LMNTD1: variants seen among roughly 807,000 people sequenced by gnomAD.
LMNTD1 encodes lamin tail domain-containing protein 1.
In LMNTD1, 35 loss-of-function variants were observed where a neutral mutation model predicts 50.9. The ratio of observed to expected loss-of-function variants is 0.69; its 90% CI spans 0.53 to 0.91. The LOEUF is 0.91. LMNTD1 is among the 40% of genes least tolerant of loss of function. LMNTD1 has a pLI of 0.00. For missense variants in LMNTD1, 470 were observed against 475.5 expected, an observed-to-expected ratio of 0.99 and a Z score of 0.11; for synonymous variants, 153 against 161.9, an observed-to-expected ratio of 0.94 and a Z score of 0.42.
intron 9 of LMNTD1, chr12:25,497,880 A>G (rs1939152934): frequency 1.3e-5 from 2 of 152,234 alleles, no homozygotes; most frequent in South Asian, 4.1e-4. Flanking sequence ...GGTGTAATAA[A>G]CCAACAAAAC....
At chr12:25,629,721 A>G (rs369357406) in intron 1 of LMNTD1, among the ~76,000 whole-genome samples, 1 of 152,322 alleles carries the variant, frequency 6.6e-6, no homozygotes, top group East Asian at 1.9e-4. Context: ...TTTGATAGTG[A>G]GCAATTAAGT....
intron 1 of LMNTD1, among the ~76,000 whole-genome samples, chr12:25,629,295 C>T (rs73080311): frequency 0.022 from 3,402 of 152,208 alleles, 48 homozygotes; most frequent in Middle Eastern, 0.14. Flanking sequence ...CTTACTTTCT[C>T]CTATCTCCTT....
At chr12:25,629,922 A>C (rs1046230979) in intron 1 of LMNTD1, among the ~76,000 whole-genome samples, 3 of 152,184 alleles carry the variant, frequency 2.0e-5, no homozygotes, top group African/African-American at 7.2e-5. Flanking sequence ...CTGTGAACTA[A>C]TTTGTGACCC....
chr12:25,644,545 C>G (rs1275095544), intron 1 of LMNTD1, among the ~76,000 whole-genome samples: 1 of 151,804 alleles, frequency 6.6e-6, no homozygotes, highest in African/African-American at 2.4e-5. Flanking sequence ...CAACAACCAC[C>G]AAAACAAACA....
intron 4 of LMNTD1, among the ~76,000 whole-genome samples, chr12:25,541,323 A>G (rs1943057280): frequency 6.9e-6 from 1 of 144,796 alleles, no homozygotes; most frequent in African/African-American, 2.5e-5. Context: ...CTGACTTCAA[A>G]CTATACTACA....
At chr12:25,625,221 C>CA (rs1416139692) in intron 1 of LMNTD1, among the ~76,000 whole-genome samples, 1 of 152,196 alleles carries the variant, frequency 6.6e-6, no homozygotes, top group African/African-American at 2.4e-5. Context: ...CACGACCCTT[C>CA]AAAACTCCCT....
chr12:25,622,984 C>T (rs1330179725), intron 1 of LMNTD1, among the ~76,000 whole-genome samples: 3 of 148,964 alleles, frequency 2.0e-5, no homozygotes, highest in Admixed American at 6.7e-5. Context: ...TGGCGGACGA[C>T]GGGGAAGGAG....
At chr12:25,546,867 G>A (rs1943466797) in intron 3 of LMNTD1, among the ~76,000 whole-genome samples, 1 of 151,514 alleles carries the variant, frequency 6.6e-6, no homozygotes, top group Admixed American at 6.6e-5. Flanking sequence ...CATCCATTTT[G>A]AAATAGGGAA....
At chr12:25,555,504 A>G (rs1944003969), upstream of LMNTD1, among the ~76,000 whole-genome samples, 5 of 152,254 alleles carry the variant, frequency 3.3e-5, no homozygotes, top group South Asian at 1.0e-3. Context: ...GTAGAAATTT[A>G]TAAGACAGTA....
chr12:25,501,268 G>A (rs1259868851), intron 9 of LMNTD1, among the ~76,000 whole-genome samples: 1 of 152,174 alleles, frequency 6.6e-6, no homozygotes, highest in African/African-American at 2.4e-5. Flanking sequence ...TGGGTTTACA[G>A]GTGTGAGCCA....
At chr12:25,480,147 T>G (rs1938400189) in intron 9 of LMNTD1, among the ~76,000 whole-genome samples, 1 of 152,220 alleles carries the variant, frequency 6.6e-6, no homozygotes, top group African/African-American at 2.4e-5. Context: ...CACACTCAGA[T>G]TAAATAGTTC....
At chr12:25,520,566 T>G (rs73298427) in intron 6 of LMNTD1, among the ~76,000 whole-genome samples, 2,632 of 152,282 alleles carry the variant, frequency 0.017, 91 homozygotes, top group African/African-American at 0.06. Flanking sequence ...TAATATTCCA[T>G]TGTGTATAGC....
Position 25,518,778 on chromosome 12 carries a change from G to T in LMNTD1, c.1189+17C>A, listed in dbSNP as rs776133968. On this transcript the variant is annotated intron_variant, in intron 8 of 9. Coordinates refer to ENST00000458174, the MANE Select transcript of LMNTD1 (RefSeq NM_001145728.2). ...ACACACGCACTCTCCACTGGAACAAGCACTCTTTTAACTGACCTGAGGCTC... is the reference window on the plus strand; with the variant it reads ...ACACACGCACTCTCCACTGGAACAATCACTCTTTTAACTGACCTGAGGCTC... 2 of 1,612,404 alleles carry T rather than the reference G, an allele frequency of 1.2e-6. No individual in the cohort carries two copies. Among genetic ancestry groups the T allele is most frequent in the Non-Finnish European group, 1.7e-6 (2 of 1,178,692 alleles).
intron 1 of LMNTD1, among the ~76,000 whole-genome samples, chr12:25,586,681 C>G (rs1945534545): frequency 6.6e-6 from 1 of 152,120 alleles, no homozygotes; most frequent in Admixed American, 6.6e-5. Context: ...ACTGTGGATG[C>G]CCTCCTAGAC....
At chr12:25,531,969 T>G (rs1321114531) in intron 4 of LMNTD1, among the ~76,000 whole-genome samples, 1 of 152,184 alleles carries the variant, frequency 6.6e-6, no homozygotes, top group Non-Finnish European at 1.5e-5. Context: ...CTAGAACTTG[T>G]TTATGATTCT....
rs1181147747 is a variant in LMNTD1, at chr12:25,631,575, A to G, written c.58+16919T>C. On this transcript the variant is annotated intron_variant, in intron 1 of 7. Transcript: ENST00000445693. ...CAATCACTGCAGTTCGGCTCACAGGAAGCCAAATCCATAAGAACAGGGGAA... is the reference window on the plus strand; with the variant it reads ...CAATCACTGCAGTTCGGCTCACAGGGAGCCAAATCCATAAGAACAGGGGAA... Among the ~76,000 whole-genome samples, 7 of 152,198 alleles carry G rather than the reference A, an allele frequency of 4.6e-5. No individual in the cohort carries two copies. The East Asian group carries it at 1.3e-3, about 29-fold the overall frequency.
intron 4 of LMNTD1, among the ~76,000 whole-genome samples, chr12:25,527,591 G>A (rs2136091494): frequency 7.4e-6 from 1 of 136,026 alleles, no homozygotes; most frequent in South Asian, 2.3e-4. Flanking sequence ...AGATATATCT[G>A]TACCAATAAT....
At chr12:25,595,093 A>C (rs1304570730) in intron 1 of LMNTD1, among the ~76,000 whole-genome samples, 1 of 152,138 alleles carries the variant, frequency 6.6e-6, no homozygotes, top group Non-Finnish European at 1.5e-5. Flanking sequence ...AACAATTACT[A>C]AGAGACCTAA....
At chr12:25,643,784 A>T (rs1565535013) in intron 1 of LMNTD1, among the ~76,000 whole-genome samples, 1 of 152,150 alleles carries the variant, frequency 6.6e-6, no homozygotes. Flanking sequence ...AGTGCCAGAG[A>T]AGTCAATGTT....
Sources: allele counts gnomAD v4.1 joint callset (sites outside exome capture counted in the v4.1 genomes callset), GRCh38; gene constraint gnomAD v4.1.1; transcripts MANE v1.5; gene names NCBI Gene and HGNC (gene_info 2026-07-23, HGNC 2026-07-21).